The following PCDH9 variants were observed in gnomAD, a reference collection of about 807,000 sequenced individuals.
PCDH9 encodes protocadherin 9.
In PCDH9, 24 loss-of-function variants were observed where a neutral mutation model predicts 70.6. The ratio of observed to expected loss-of-function variants is 0.34; its 90% CI spans 0.25 to 0.48. The LOEUF (loss-of-function observed/expected upper bound fraction) is 0.48. Among genes scored for constraint, PCDH9 ranks in the 20% least tolerant of loss-of-function variants. The probability of loss-of-function intolerance (pLI) is 0.99; values close to 1 mark genes in which losing one functional copy is unlikely to be tolerated. For missense variants in PCDH9, 1,281 were observed against 1,503.6 expected (o/e 0.85, Z 2.45); for synonymous variants, 562 against 558.5 (o/e 1.01, Z -0.09).
At chr13:66,624,120 T>G (rs2077469087) in intron 4 of PCDH9, among the ~76,000 whole-genome samples, 1 of 152,228 alleles carries the variant, frequency 6.6e-6, no homozygotes, top group East Asian at 1.9e-4. Flanking sequence ...AGATTAAGAC[T>G]TAATTTTGAA....
At chr13:67,186,048 T>C (rs2088751417) in intron 2 of PCDH9, among the ~76,000 whole-genome samples, 1 of 152,134 alleles carries the variant, frequency 6.6e-6, no homozygotes, top group African/African-American at 2.4e-5. Flanking sequence ...GCATCTTTAA[T>C]AAGCATTTAA....
chr13:66,772,723 T>C (rs1384079507), intron 3 of PCDH9, among the ~76,000 whole-genome samples: 5 of 152,094 alleles, frequency 3.3e-5, no homozygotes. Flanking sequence ...AATATCACAG[T>C]AAATCTTACA....
intron 2 of PCDH9, among the ~76,000 whole-genome samples, chr13:66,925,651 C>T (rs1390577791): frequency 6.6e-6 from 1 of 151,718 alleles, no homozygotes; most frequent in Non-Finnish European, 1.5e-5. Flanking sequence ...ATATTAAATG[C>T]CTCTTTCTAA....
chr13:66,590,290 C>A (rs2077021738), intron 4 of PCDH9, among the ~76,000 whole-genome samples: 1 of 151,746 alleles, frequency 6.6e-6, no homozygotes, highest in African/African-American at 2.4e-5. Flanking sequence ...ATTTAAGTAC[C>A]ATGAGATAAT....
chr13:66,942,607 T>C (rs1368199323), intron 2 of PCDH9, among the ~76,000 whole-genome samples: 3 of 152,024 alleles, frequency 2.0e-5, no homozygotes, highest in Non-Finnish European at 4.4e-5. Context: ...GTCATCTCTG[T>C]AAAATACTTA....
At chr13:67,077,397 G>T (rs2085899385) in intron 2 of PCDH9, among the ~76,000 whole-genome samples, 1 of 151,850 alleles carries the variant, frequency 6.6e-6, no homozygotes, top group African/African-American at 2.4e-5. Flanking sequence ...CCATCATTTT[G>T]CTGAGGTGTC....
chr13:66,475,351 A>G (rs1416950489), intron 4 of PCDH9, among the ~76,000 whole-genome samples: 11 of 152,118 alleles, frequency 7.2e-5, no homozygotes, highest in Admixed American at 7.2e-4. Flanking sequence ...AGCTTTGCAG[A>G]AAATGTGTTT....
At chr13:66,464,732 G>A (rs1477866656) in intron 4 of PCDH9, among the ~76,000 whole-genome samples, 1 of 151,926 alleles carries the variant, frequency 6.6e-6, no homozygotes, top group Non-Finnish European at 1.5e-5. Context: ...GCAGGAAAGT[G>A]CATTAGCACA....
At chr13:66,393,160 AT>A (rs1269099525) in intron 4 of PCDH9, among the ~76,000 whole-genome samples, 2 of 152,160 alleles carry the variant, frequency 1.3e-5, no homozygotes, top group African/African-American at 4.8e-5. Flanking sequence ...ATTCTTATTG[AT>A]GTTAAAATCC....
chr13:66,705,014 G>GA (rs1016015298), intron 3 of PCDH9, among the ~76,000 whole-genome samples: 2 of 151,596 alleles, frequency 1.3e-5, no homozygotes, highest in African/African-American at 4.8e-5. Flanking sequence ...TTATTTTTTT[G>GA]AATTTTAATG....
intron 2 of PCDH9, among the ~76,000 whole-genome samples, chr13:66,990,439 T>C (rs2083978011): frequency 6.6e-6 from 1 of 151,370 alleles, no homozygotes; most frequent in African/African-American, 2.4e-5. Context: ...CATATACATA[T>C]ACATATAGGT....
chr13:67,092,671 T>G (rs78180397), intron 2 of PCDH9, among the ~76,000 whole-genome samples: 2 of 152,340 alleles, frequency 1.3e-5, no homozygotes, highest in African/African-American at 4.8e-5. Context: ...AGTTGTCATC[T>G]CAAAGGTACT....
At chr13:66,525,909 G>A (rs781716910) in intron 4 of PCDH9, among the ~76,000 whole-genome samples, 3 of 151,984 alleles carry the variant, frequency 2.0e-5, no homozygotes, top group Admixed American at 6.6e-5. Flanking sequence ...TAATCCTTAC[G>A]TTATAGCTCT....
chr13:66,986,437 T>A (rs1479164844), intron 2 of PCDH9, among the ~76,000 whole-genome samples: 2 of 152,046 alleles, frequency 1.3e-5, no homozygotes. Context: ...TATGAATTAA[T>A]GATCATGACA....
chr13:66,910,299 CT>C (rs1339064696), intron 2 of PCDH9, among the ~76,000 whole-genome samples: 1 of 152,208 alleles, frequency 6.6e-6, no homozygotes, highest in East Asian at 1.9e-4. Context: ...TTTATATAGT[CT>C]TCTGGCACAG....
intron 2 of PCDH9, among the ~76,000 whole-genome samples, chr13:66,922,225 T>C (rs2082647930): frequency 6.6e-6 from 1 of 151,352 alleles, no homozygotes; most frequent in South Asian, 2.1e-4. Context: ...ATGTACTTCA[T>C]CAAAAATTAT....
At chr13:66,624,559 A>G (rs1241182713) in intron 4 of PCDH9, among the ~76,000 whole-genome samples, 2 of 152,198 alleles carry the variant, frequency 1.3e-5, no homozygotes, top group African/African-American at 4.8e-5. Context: ...TGGGCACCCT[A>G]CAGGCAGAAA....
intron 4 of PCDH9, among the ~76,000 whole-genome samples, chr13:66,609,996 C>T (rs943606963): frequency 2.9e-5 from 4 of 138,780 alleles, no homozygotes; most frequent in South Asian, 2.2e-4. Context: ...CTCGCTCTGT[C>T]GCCCAGGCTG....
intron 4 of PCDH9, among the ~76,000 whole-genome samples, chr13:66,583,542 G>T (rs1203034297): frequency 6.6e-6 from 1 of 151,938 alleles, no homozygotes; most frequent in African/African-American, 2.4e-5. Context: ...AATTCCGGCG[G>T]GGCGGAAGTT....
Sources: allele counts gnomAD v4.1 joint callset (sites outside exome capture counted in the v4.1 genomes callset), GRCh38; gene constraint gnomAD v4.1.1; transcripts MANE v1.5; gene names NCBI Gene and HGNC (gene_info 2026-07-23, HGNC 2026-07-21).